The following DIXDC1 variants were observed in gnomAD, a reference collection of about 807,000 sequenced individuals.
The protein encoded by DIXDC1 is dixin.
DIXDC1 carries 64 observed loss-of-function variants against 103.1 expected under a neutral mutation model. That is an observed-to-expected ratio of 0.62 (90% CI 0.51 to 0.76). The LOEUF (loss-of-function observed/expected upper bound fraction) is 0.76, where lower values mean the gene tolerates loss of function less well. Ranked by LOEUF, DIXDC1 falls within the 30% of genes least tolerant of loss-of-function variation. The pLI is 0.00. For synonymous variants in DIXDC1, 266 were observed against 298.5 expected (o/e 0.89, Z 1.12); for missense variants, 759 against 834.2 (o/e 0.91, Z 1.11).
At chr11:111,978,293 T>C (rs781791622) in intron 5 of DIXDC1, among the ~76,000 whole-genome samples, 5 of 152,198 alleles carry the variant, frequency 3.3e-5, no homozygotes, top group Admixed American at 6.5e-5. Flanking sequence ...GTCATATACA[T>C]AATTAATTAG....
intron 1 of DIXDC1, chr11:111,928,344 G>T (rs1052156794): frequency 6.6e-6 from 1 of 152,152 alleles, no homozygotes; most frequent in African/African-American, 2.4e-5. Flanking sequence ...GAGGTCAGGA[G>T]TTCGAGACCA....
chr11:111,973,878 C>T, intron 3 of DIXDC1, 145 bp from the exon 4 acceptor site: 1 of 675,570 alleles, frequency 1.5e-6, no homozygotes, highest in South Asian at 1.9e-5. Flanking sequence ...TCCCTTGTTG[C>T]CCAGAGCTTT....
At chr11:111,959,321 CTG>C (rs587750533) in intron 1 of DIXDC1, among the ~76,000 whole-genome samples, 276 of 152,358 alleles carry the variant, frequency 1.8e-3, no homozygotes, top group African/African-American at 6.4e-3. Context: ...CTTTTGGGCT[CTG>C]TGGTTCTTGG....
chr11:111,994,140 A>C (rs1181241862), intron 14 of DIXDC1, among the ~76,000 whole-genome samples: 3 of 152,206 alleles, frequency 2.0e-5, no homozygotes, highest in Admixed American at 1.3e-4. Context: ...TAATCCTAGC[A>C]CTTTGGGAGG....
At chr11:111,978,141 TA>T (rs1357407263) in intron 5 of DIXDC1, among the ~76,000 whole-genome samples, 1 of 152,152 alleles carries the variant, frequency 6.6e-6, no homozygotes, top group Non-Finnish European at 1.5e-5. Flanking sequence ...TAAATTAAGA[TA>T]GAAGAGCTAT....
chr11:111,941,851 C>CAT (rs1966427659), intron 1 of DIXDC1, among the ~76,000 whole-genome samples: 1 of 151,544 alleles, frequency 6.6e-6, no homozygotes, highest in African/African-American at 2.4e-5. Context: ...CACACACACA[C>CAT]ACACACACAC....
At chr11:111,957,027 G>C (rs1156905782) in intron 1 of DIXDC1, among the ~76,000 whole-genome samples, 3 of 151,932 alleles carry the variant, frequency 2.0e-5, no homozygotes, top group Admixed American at 2.0e-4. Context: ...ATAATAATTA[G>C]CTGAGCATGG....
chr11:111,993,124 T>C, intron 12 of DIXDC1, 120 bp downstream of exon 12: 1 of 1,174,226 alleles, frequency 8.5e-7, no homozygotes, highest in Non-Finnish European at 1.2e-6. Flanking sequence ...TTTTTATCCT[T>C]GCTTTTTAGA....
rs1203485556 is a variant in DIXDC1, at chr11:111,937,359, A to G, written c.-141A>G. ...CAAGCCGCTAGTTTGGCTCCAGTCTAGGTTTCCAGTAAGTGGCATGCGGGA... is the reference window on the plus strand; with the variant it reads ...CAAGCCGCTAGTTTGGCTCCAGTCTGGGTTTCCAGTAAGTGGCATGCGGGA... On this transcript the variant is annotated 5_prime_UTR_variant, in exon 1 of 20. Coordinates refer to ENST00000440460, the MANE Select transcript of DIXDC1 (RefSeq NM_001037954.4). 21 of 1,441,428 alleles carry G rather than the reference A, an allele frequency of 1.5e-5. No individual in the cohort carries two copies. The African/African-American group carries it at 1.9e-4, about 13-fold the overall frequency. 89.3% of individuals were successfully genotyped at this position (1,441,428 alleles called of 1,614,324 possible). A position where few individuals can be genotyped will look rare whatever the true frequency, so the allele number is the denominator to read the frequency against.
In DIXDC1 at chr11:112,022,056, G is replaced by A. The variant is rs1861776465; in HGVS notation, c.*3020G>A. On this transcript the variant is annotated 3_prime_UTR_variant, in exon 20 of 20. Transcript: ENST00000440460. This position sits in a 1 kb window ranked among gnomAD's most constrained non-coding sequence, Gnocchi z 4.9. The stretch of plus-strand genomic sequence containing the variant: ...CTCAGTTCCCTAAATTAGCTGGGGG[G>A]ATTGGGATACTTTACAATTTTTACA... 1 of 151,966 alleles carries A rather than the reference G, an allele frequency of 6.6e-6. No homozygotes were observed. The highest frequency in any genetic ancestry group is 2.4e-5 in the African/African-American group (1 of 41,366). The allele number at this position is 151,966 out of a possible 1,614,324, so 9.4% of individuals were successfully genotyped here.
intron 5 of DIXDC1, among the ~76,000 whole-genome samples, chr11:111,979,259 G>A (rs587719952): frequency 1.1e-4 from 17 of 152,272 alleles, no homozygotes; most frequent in South Asian, 4.1e-4. Context: ...TGCTTTTGAC[G>A]TGCCTGGCTA....
intron 1 of DIXDC1, among the ~76,000 whole-genome samples, chr11:111,939,669 A>G (rs1220045266): frequency 6.6e-6 from 1 of 152,190 alleles, no homozygotes; most frequent in Non-Finnish European, 1.5e-5. Flanking sequence ...TACAGTTTAA[A>G]TAATTCTTTC....
Position 111,993,744 on chromosome 11 carries a change from A to C in DIXDC1, c.1437+4A>C, listed in dbSNP as rs1421863660. 6.2e-7 allele frequency: 1 copy of C among 1,613,830 alleles called. No homozygotes were observed. Among genetic ancestry groups the C allele is most frequent in the African/African-American group, 1.3e-5 (1 of 75,060 alleles). ...TATGAAAAGAGAGGCAGATGAGGTA[A>C]CCTAGACCCCGTGTTCTCCCTCCCA... On this transcript the variant is annotated splice_donor_region_variant and intron_variant, in intron 14 of 19. Coordinates refer to ENST00000440460, the MANE Select transcript of DIXDC1 (RefSeq NM_001037954.4).
chr11:111,984,404 G>T (rs587655297), intron 7 of DIXDC1, among the ~76,000 whole-genome samples: 1 of 152,092 alleles, frequency 6.6e-6, no homozygotes, highest in Admixed American at 6.6e-5. Flanking sequence ...AAAATTAGCC[G>T]GGTGTGGTGG....
intron 1 of DIXDC1, among the ~76,000 whole-genome samples, chr11:111,945,364 A>G (rs1592547092): frequency 1.3e-5 from 2 of 152,320 alleles, no homozygotes; most frequent in Admixed American, 6.5e-5. Context: ...GCTGGCTTTC[A>G]CCAATCAACT....
chr11:111,995,304 G>A, intron 15 of DIXDC1, 99 bp from the exon 16 acceptor site: 1 of 1,510,220 alleles, frequency 6.6e-7, no homozygotes, highest in South Asian at 1.2e-5. Context: ...CTTCTGTGGG[G>A]GAAAAATCTT....
chr11:112,005,722 C>T (rs190898365), intron 17 of DIXDC1, among the ~76,000 whole-genome samples: 3 of 152,056 alleles, frequency 2.0e-5, no homozygotes, highest in African/African-American at 7.2e-5. Context: ...CCCGTCCCCC[C>T]CTCAAAAAAT....
At chr11:111,960,474 A>G (rs1040286843) in intron 1 of DIXDC1, among the ~76,000 whole-genome samples, 1 of 151,200 alleles carries the variant, frequency 6.6e-6, no homozygotes, top group Non-Finnish European at 1.5e-5. Flanking sequence ...GGCGCCTGTA[A>G]TCCCAGCTTC....
chr11:111,930,943 T>C (rs1965995353), intron 2 of DIXDC1, among the ~76,000 whole-genome samples: 1 of 143,716 alleles, frequency 7.0e-6, no homozygotes, highest in Non-Finnish European at 1.5e-5. Flanking sequence ...AACCTCCGCC[T>C]CCTGGGTTCA....
Sources: gnomAD v4.1 joint callset for allele counts (sites outside exome capture counted in the v4.1 genomes callset) on GRCh38, gnomAD v4.1.1 for gene constraint, Gnocchi (gnomAD v3.1) non-coding constraint, MANE v1.5 for transcripts, NCBI Gene and HGNC (gene_info 2026-07-23, HGNC 2026-07-21) for gene names.